PPP1R1B: variants seen among roughly 807,000 people sequenced by gnomAD.
PPP1R1B encodes protein phosphatase 1 regulatory subunit 1B.
PPP1R1B carries 13 observed loss-of-function variants against 28.2 expected under a neutral mutation model. That is an observed-to-expected ratio of 0.46 (90% CI 0.30 to 0.73). The LOEUF (loss-of-function observed/expected upper bound fraction) is 0.73, where lower values mean the gene tolerates loss of function less well. Ranked by LOEUF, PPP1R1B falls within the 30% of genes least tolerant of loss-of-function variation. The pLI is 0.07. For synonymous variants in PPP1R1B, 102 were observed against 97.5 expected (o/e 1.05, Z -0.27); for missense variants, 236 against 256.7 (o/e 0.92, Z 0.55).
chr17:39,635,611 G>T lies in PPP1R1B; in HGVS notation c.450G>T (p.Gly150=). 6.2e-7 allele frequency: 1 copy of T among 1,613,544 alleles called. No homozygotes were observed. The highest frequency in any genetic ancestry group is 8.5e-7 in the Non-Finnish European group (1 of 1,179,550). ...TCTCTTCTTTCCCATCCCCAGCTGG[G>T]CAAAAGACAACCTGTGGCCAGGGTC... ...EVLKVIRQSA[G]QKTTCGQGLE... Residue 150 remains glycine, a synonymous_variant, in exon 6 of 7, where the codon GGG becomes GGT. Coordinates refer to ENST00000254079, the MANE Select transcript of PPP1R1B (RefSeq NM_032192.4).
At chr17:39,635,574 CCTGTGTTCTTAT>C in intron 5 of PPP1R1B, 21 bp from the exon 6 acceptor site, 1 of 1,604,598 alleles carries the variant, frequency 6.2e-7, no homozygotes, top group Non-Finnish European at 8.5e-7. Flanking sequence ...ATACGCAGAG[CCTGTGTTCTTAT>C]CTCTTCTTTC....
chr17:39,630,289 G>A (rs1320984385), intron 4 of PPP1R1B: 1 of 508,358 alleles, frequency 2.0e-6, no homozygotes, highest in Non-Finnish European at 3.6e-6. Flanking sequence ...TGAAAGAAAA[G>A]AGATGGCTGG....
At chr17:39,635,750 G>C in intron 6 of PPP1R1B, 24 bp downstream of exon 6, 7 of 1,612,490 alleles carry the variant, frequency 4.3e-6, no homozygotes, top group Non-Finnish European at 5.9e-6. Context: ...GTGTGAAATG[G>C]GGAGGAGGGG....
chr17:39,633,436 A>T (rs1359049482), intron 4 of PPP1R1B: 1 of 190,904 alleles, frequency 5.2e-6, no homozygotes, highest in Non-Finnish European at 1.1e-5. Flanking sequence ...CAGGCTGGGC[A>T]CCCCCAAGAA....
At chr17:39,629,399 C>A in intron 2 of PPP1R1B, 141 bp from the exon 3 acceptor site, 1 of 1,286,946 alleles carries the variant, frequency 7.8e-7, no homozygotes, top group Non-Finnish European at 1.1e-6. Context: ...ACCTCCCAGC[C>A]GCAGGAGGGA....
chr17:39,629,642 A>G, intron 3 of PPP1R1B, 80 bp downstream of exon 3: 14 of 1,468,714 alleles, frequency 9.5e-6, no homozygotes, highest in Non-Finnish European at 1.3e-5. Context: ...AGTGACAACC[A>G]ACCAGTATGG....
Position 39,627,227 on chromosome 17 carries a change from C to A in PPP1R1B, c.-166C>A, listed in dbSNP as rs182030476. On this transcript the variant is annotated 5_prime_UTR_variant, in exon 1 of 7. Coordinates refer to ENST00000254079, the MANE Select transcript of PPP1R1B (RefSeq NM_032192.4). ...CCAGCCCGGGCGCCGACCCTCCTCC[C>A]GCTCCCGCGCCCTCCCCTCGGCGGG... The A allele has an allele frequency of 7.9e-4, 421 of 529,608 alleles. No individual in the cohort carries two copies. The Middle Eastern group carries it at 9.5e-3, about 12-fold the overall frequency. The allele number at this position is 529,608 out of a possible 1,614,324, so 32.8% of individuals were successfully genotyped here.
At chr17:39,635,388 C>T (rs1244059281) in intron 5 of PPP1R1B, among the ~76,000 whole-genome samples, 1 of 152,076 alleles carries the variant, frequency 6.6e-6, no homozygotes, top group African/African-American at 2.4e-5. Context: ...GTAATCTACA[C>T]AATTTCCCCC....
At chr17:39,629,613 G>A (rs2056861657) in intron 3 of PPP1R1B, 51 bp downstream of exon 3, 3 of 1,602,086 alleles carry the variant, frequency 1.9e-6, no homozygotes, top group Non-Finnish European at 2.6e-6. Flanking sequence ...CCCTTGGGGT[G>A]GGGTGGACGG....
chr17:39,627,566 T>A, intron 1 of PPP1R1B, 93 bp downstream of exon 1: 2 of 784,630 alleles, frequency 2.5e-6, no homozygotes, highest in Non-Finnish European at 3.8e-6. Flanking sequence ...CGGACTGGCC[T>A]GGGGGTGGGG....
intron 5 of PPP1R1B, 97 bp downstream of exon 5, chr17:39,634,183 T>C: frequency 6.7e-7 from 1 of 1,488,162 alleles, no homozygotes. Flanking sequence ...ACACGCAAAC[T>C]GTAGTGACAC....
chr17:39,630,994 G>C (rs562882621), intron 4 of PPP1R1B, among the ~76,000 whole-genome samples: 1 of 152,094 alleles, frequency 6.6e-6, no homozygotes, highest in African/African-American at 2.4e-5. Flanking sequence ...ACTTGAACCC[G>C]GGAGGCAGAG....
rs2144831989 is a variant in PPP1R1B, at chr17:39,627,363, A to C, written c.-30A>C. 6.6e-7 allele frequency: 1 copy of C among 1,524,364 alleles called. No individual in the cohort carries two copies. The highest frequency in any genetic ancestry group is 1.1e-5 in the South Asian group (1 of 87,244). 94.4% of individuals were successfully genotyped at this position (1,524,364 alleles called of 1,614,324 possible). The stretch of plus-strand genomic sequence containing the variant: ...CCGCCGCCGGGACCCCGAGTCGCGC[A>C]CCCCAGCCCCACCGCCCACCCCGCG... On this transcript the variant is annotated 5_prime_UTR_variant, in exon 1 of 7. Coordinates refer to ENST00000254079, the MANE Select transcript of PPP1R1B (RefSeq NM_032192.4).
chr17:39,632,385 G>C (rs1377363008), intron 4 of PPP1R1B: 1 of 153,012 alleles, frequency 6.5e-6, no homozygotes, highest in Non-Finnish European at 1.5e-5. Context: ...CCCCCGCTGG[G>C]GGAGAAGGAA....
At chr17:39,632,653 C>G (rs532643677) in intron 4 of PPP1R1B, 2 of 152,360 alleles carry the variant, frequency 1.3e-5, no homozygotes, top group African/African-American at 4.8e-5. Context: ...GCCGCGTCCC[C>G]AAGGTCAGGG....
intron 3 of PPP1R1B, 147 bp from the exon 4 acceptor site, chr17:39,629,825 C>A: frequency 1.1e-6 from 1 of 932,488 alleles, no homozygotes; most frequent in Non-Finnish European, 1.7e-6. Flanking sequence ...CCTAAAGCCA[C>A]AGGGTGGGGA....
At chr17:39,627,494 C>T (rs1161210838) in intron 1 of PPP1R1B, 21 bp downstream of exon 1, 4 of 1,454,148 alleles carry the variant, frequency 2.8e-6, no homozygotes, top group South Asian at 1.2e-5. Flanking sequence ...CGTGCCCCAC[C>T]CCGGCAGCGT....
intron 5 of PPP1R1B, among the ~76,000 whole-genome samples, chr17:39,635,203 AAAAC>A (rs1474912331): frequency 6.6e-6 from 1 of 152,094 alleles, no homozygotes; most frequent in East Asian, 1.9e-4. Flanking sequence ...CTCAAAAACA[AAAAC>A]AAAAAACCAA....
chr17:39,635,911 G>C lies in PPP1R1B; in HGVS notation c.*46G>C. 1 of 1,601,152 alleles carries C rather than the reference G, an allele frequency of 6.2e-7. No homozygotes were observed. The highest frequency in any genetic ancestry group is 8.5e-7 in the Non-Finnish European group (1 of 1,173,350). ...AGGAGGAAGTGGAGGGGACATCGCTGTTCCCCAGAAACCCACTCTATCCTC... is the reference window on the plus strand; with the variant it reads ...AGGAGGAAGTGGAGGGGACATCGCTCTTCCCCAGAAACCCACTCTATCCTC... On this transcript the variant is annotated 3_prime_UTR_variant, in exon 7 of 7. Transcript: ENST00000254079.
Sources: gnomAD v4.1 joint callset for allele counts (sites outside exome capture counted in the v4.1 genomes callset) on GRCh38, gnomAD v4.1.1 for gene constraint, MANE v1.5 for transcripts, NCBI Gene and HGNC (gene_info 2026-07-23, HGNC 2026-07-21) for gene names.